The following NEB variants were observed in gnomAD, a reference collection of about 807,000 sequenced individuals.
NEB encodes the protein nemaline myopathy type 2.
In NEB, 512 loss-of-function variants were observed where a neutral mutation model predicts 952.2. That is an observed-to-expected ratio of 0.54 (90% confidence interval 0.50 to 0.58). The LOEUF is 0.58. Ranked by LOEUF, NEB falls within the 20% of genes least tolerant of loss-of-function variation. NEB has a pLI of 0.00. For synonymous variants in NEB, 2,900 were observed against 3,149.8 expected, an observed-to-expected ratio of 0.92 and a Z score of 2.66; for missense variants, 8,428 against 9,231.1, an observed-to-expected ratio of 0.91 and a Z score of 3.56.
At chr2:151,685,468 C>A (rs1170305779) in intron 27 of NEB, among the ~76,000 whole-genome samples, 2 of 152,064 alleles carry the variant, frequency 1.3e-5, no homozygotes, top group Non-Finnish European at 2.9e-5. Context: ...GGTTTTTTAA[C>A]CTGTTATTGA....
Position 151,631,871 on chromosome 2 carries a change from G to C in NEB, c.9415-525C>G, listed in dbSNP as rs932846964. Among the ~76,000 whole-genome samples the C allele has an allele frequency of 1.3e-5, 2 of 152,100 alleles. 1 individual carries two copies. The highest frequency in any genetic ancestry group is 3.9e-4 in the East Asian group (2 of 5,192). On this transcript the variant is annotated intron_variant, in intron 65 of 181. Coordinates refer to ENST00000397345, the MANE Select transcript of NEB (RefSeq NM_001164508.2). The stretch of plus-strand genomic sequence containing the variant: ...ATAAGAGTGGGTTTTTCTAGTGGTT[G>C]GATTGTTTTGGATTCTTATTCCCTG...
chr2:151,666,463 T>G (rs2099218283), intron 40 of NEB, 62 bp from the exon 41 acceptor site: 1 of 1,488,254 alleles, frequency 6.7e-7, no homozygotes, highest in Admixed American at 2.1e-5. Context: ...TAAACTGAAT[T>G]TATACAACAA....
chr2:151,533,422 C>T lies in NEB; in HGVS notation c.21417+20G>A. The T allele has an allele frequency of 6.7e-7, 1 of 1,497,420 alleles. No individual in the cohort carries two copies. Among genetic ancestry groups the T allele is most frequent in the Non-Finnish European group, 9.1e-7 (1 of 1,097,842 alleles). The allele number at this position is 1,497,420 out of a possible 1,614,324, so 92.8% of individuals were successfully genotyped here. ...AAGACTTCTTCTAAACCTCCTTCTT[C>T]ACATCCCATCAGACATTACCTGGCT... On this transcript the variant is annotated intron_variant, in intron 143 of 181. Coordinates refer to ENST00000397345, the MANE Select transcript of NEB (RefSeq NM_001164508.2).
intron 121 of NEB, 85 bp downstream of exon 121, chr2:151,562,025 T>C: frequency 9.4e-7 from 1 of 1,067,336 alleles, no homozygotes; most frequent in African/African-American, 1.6e-5. Flanking sequence ...TACAGCAACT[T>C]TCTTTGCCTG....
Position 151,643,350 on chromosome 2 carries a change from A to G in NEB, c.7960T>C (p.Leu2654=), listed in dbSNP as rs1039172536. The G allele has an allele frequency of 1.3e-6, 2 of 1,599,410 alleles. No individual in the cohort carries two copies. The highest frequency in any genetic ancestry group is 8.5e-7 in the Non-Finnish European group (1 of 1,170,746). ...RQAYDLQSDN[L]YKSDLQWLKG... ...AGCCACTGAAGGTCTGACTTGTACA[A>G]ATTCTGAAAGTGCAAGTGACAAATT... Residue 2654 remains leucine (L), a synonymous_variant, in exon 58 of 182, where the codon TTG becomes CTG. Transcript: ENST00000397345.
Position 151,527,462 on chromosome 2 carries a change from T to C in NEB, c.21840+19A>G. Reference sequence around the variant, plus strand: ...GGTGCAGTATGCAGTTACAATCGTCTGTGTCTCTCCTGTCTTACATCGCTT... The same window carrying C: ...GGTGCAGTATGCAGTTACAATCGTCCGTGTCTCTCCTGTCTTACATCGCTT... On this transcript the variant is annotated intron_variant, in intron 147 of 181. Transcript: ENST00000397345. 1 of 1,577,022 alleles carries C rather than the reference T, an allele frequency of 6.3e-7. No individual in the cohort carries two copies. Among genetic ancestry groups the C allele is most frequent in the Non-Finnish European group, 8.7e-7 (1 of 1,150,412 alleles).
intron 133 of NEB, among the ~76,000 whole-genome samples, chr2:151,546,968 A>G (rs537591141): frequency 2.0e-5 from 3 of 152,246 alleles, no homozygotes; most frequent in African/African-American, 7.2e-5. Context: ...TTATTTTATT[A>G]CTATAACATT....
chr2:151,521,856 T>C (rs995932262), intron 153 of NEB, among the ~76,000 whole-genome samples: 2 of 152,250 alleles, frequency 1.3e-5, no homozygotes, highest in African/African-American at 4.8e-5. Context: ...TCAGCACTTT[T>C]GGCCTTCCTT....
intron 65 of NEB, among the ~76,000 whole-genome samples, chr2:151,632,392 C>G (rs1015198307): frequency 6.6e-6 from 1 of 150,610 alleles, no homozygotes; most frequent in Non-Finnish European, 1.5e-5. Flanking sequence ...AGAATGAAAA[C>G]AGGACAGGTG....
At chr2:151,681,869 G>A (rs2099416352) in intron 29 of NEB, among the ~76,000 whole-genome samples, 1 of 152,026 alleles carries the variant, frequency 6.6e-6, no homozygotes. Flanking sequence ...ATTCTTCAAA[G>A]ACGATTTCTA....
At chr2:151,515,237 T>C (rs1242350875) in intron 157 of NEB, among the ~76,000 whole-genome samples, 3 of 152,204 alleles carry the variant, frequency 2.0e-5, no homozygotes, top group Non-Finnish European at 4.4e-5. Context: ...AATCCTCTGT[T>C]GTCTCTTCTG....
intron 145 of NEB, among the ~76,000 whole-genome samples, chr2:151,529,681 C>T (rs2089395698): frequency 6.6e-6 from 1 of 152,120 alleles, no homozygotes; most frequent in Non-Finnish European, 1.5e-5. Flanking sequence ...CAGGCATGCG[C>T]CACCTCACCC....
At chr2:151,673,136 T>TA (rs1249083635) in intron 36 of NEB, among the ~76,000 whole-genome samples, 4 of 152,180 alleles carry the variant, frequency 2.6e-5, no homozygotes, top group Non-Finnish European at 5.9e-5. Context: ...CTGAAACAGC[T>TA]GCAAATAAAT....
rs2097867611 is a variant in NEB at position 151,609,685 on chromosome 2, C to T, written c.12330+124G>A. ...TTATATTAAACAATGTGAATGGTAC[C>T]CCCAGCCCCACCCCCAGGTTTGTGC... On this transcript the variant is annotated intron_variant, in intron 81 of 181. Transcript: ENST00000397345. The T allele has an allele frequency of 6.3e-6, 5 of 798,886 alleles. No homozygotes were observed. In the East Asian group the frequency reaches 7.9e-5, roughly 13 times the overall value. The allele number at this position is 798,886 out of a possible 1,614,324, so 49.5% of individuals were successfully genotyped here.
intron 181 of NEB, among the ~76,000 whole-genome samples, chr2:151,488,123 C>A (rs1169935591): frequency 6.6e-6 from 1 of 151,972 alleles, no homozygotes; most frequent in Admixed American, 6.6e-5. Context: ...TCTTAGTCTT[C>A]CAAGTCCTAT....
At position 151,497,575 on chromosome 2, in the gene NEB, A is replaced by G. The variant is rs572112088; in HGVS notation, c.24300+51T>C. On this transcript the variant is annotated intron_variant, in intron 171 of 181. Transcript: ENST00000397345. ...AATACGTATTATTTTAAATCATGAA[A>G]GTTTTCAAAATCATTAAATAAGTAG... is the stretch of plus-strand genomic sequence containing the variant. 28 of 1,536,816 alleles carry G rather than the reference A, an allele frequency of 1.8e-5. No homozygotes were observed. The African/African-American group carries it at 3.3e-4, about 18-fold the overall frequency.
At chr2:151,514,991 T>A in intron 157 of NEB, 63 bp from the exon 158 acceptor site, 1 of 1,018,810 alleles carries the variant, frequency 9.8e-7, no homozygotes, top group Non-Finnish European at 1.5e-6. Context: ...TATCTCTCCA[T>A]CTCAGGAAGA....
rs1428597732 is a variant in NEB, at chr2:151,729,657, C to T, written c.37-1G>A. The T allele has an allele frequency of 6.2e-7, 1 of 1,613,164 alleles. No individual in the cohort carries two copies. Among genetic ancestry groups the T allele is most frequent in the Non-Finnish European group, 8.5e-7 (1 of 1,179,436 alleles). Reference sequence around the variant, plus strand: ...CGTAAACCACTTCTTCTGTGTAGTACTGTAAATAGAGCACAAAGGCATTGG... The same window carrying T: ...CGTAAACCACTTCTTCTGTGTAGTATTGTAAATAGAGCACAAAGGCATTGG... On this transcript the variant is annotated splice_acceptor_variant, in intron 3 of 181. Coordinates refer to ENST00000397345, the MANE Select transcript of NEB (RefSeq NM_001164508.2). LOFTEE classifies it high-confidence loss of function.
Position 151,485,687 on chromosome 2 carries a change from G to T in NEB, c.*73C>A. ...AGGCAGCTTGAGAACTTAGGTAACAGTGGAGAGTCTAAACCGAAACATTGA... is the reference window on the plus strand; with the variant it reads ...AGGCAGCTTGAGAACTTAGGTAACATTGGAGAGTCTAAACCGAAACATTGA... On this transcript the variant is annotated 3_prime_UTR_variant, in exon 182 of 182. Transcript: ENST00000397345. 7.1e-7 allele frequency: 1 copy of T among 1,413,226 alleles called. No homozygotes were observed. Among genetic ancestry groups the T allele is most frequent in the Non-Finnish European group, 9.6e-7 (1 of 1,044,534 alleles). 87.5% of individuals were successfully genotyped at this position (1,413,226 alleles called of 1,614,324 possible).
Sources: allele counts gnomAD v4.1 joint callset (sites outside exome capture counted in the v4.1 genomes callset), GRCh38; gene constraint gnomAD v4.1.1; transcripts MANE v1.5; gene names NCBI Gene and HGNC (gene_info 2026-07-23, HGNC 2026-07-21).